Variants in DMXL2 observed in about 807,000 individuals in gnomAD.
The protein encoded by DMXL2 is dmX-like protein 2.
In DMXL2, 103 loss-of-function variants were observed where a neutral mutation model predicts 331.1. The observed-to-expected ratio is 0.31, with a 90% confidence interval of 0.27 to 0.37. The LOEUF (loss-of-function observed/expected upper bound fraction) is 0.37. Among genes scored for constraint, DMXL2 ranks in the 10% least tolerant of loss-of-function variants. The pLI, the probability that DMXL2 is intolerant of heterozygous loss-of-function variation, is 1.00. For missense variants in DMXL2, 3,171 were observed against 3,642.9 expected (o/e 0.87, Z 3.33); for synonymous variants, 1,281 against 1,252.1 (o/e 1.02, Z -0.49).
chr15:51,515,570 G>A (rs1241289132), intron 14 of DMXL2, among the ~76,000 whole-genome samples: 1 of 152,096 alleles, frequency 6.6e-6, no homozygotes, highest in Non-Finnish European at 1.5e-5. Context: ...ATAGATGAAA[G>A]TAAAGAGAAG....
intron 32 of DMXL2, 48 bp downstream of exon 32, chr15:51,464,627 A>G: frequency 6.5e-7 from 1 of 1,545,798 alleles, no homozygotes; most frequent in East Asian, 2.3e-5. Flanking sequence ...ACTGTCTTCC[A>G]GAAAAGTTAA....
At chr15:51,619,384 G>A (rs1390783684) in intron 1 of DMXL2, among the ~76,000 whole-genome samples, 5 of 152,086 alleles carry the variant, frequency 3.3e-5, no homozygotes, top group Non-Finnish European at 7.4e-5. Flanking sequence ...AATCACAATC[G>A]AATGTTTAAG....
chr15:51,469,597 T>C (rs2040909640), intron 29 of DMXL2, among the ~76,000 whole-genome samples: 1 of 152,226 alleles, frequency 6.6e-6, no homozygotes, highest in Non-Finnish European at 1.5e-5. Flanking sequence ...CCCTTCTTTA[T>C]AATATTTTGC....
intron 29 of DMXL2, among the ~76,000 whole-genome samples, chr15:51,467,731 T>TC: frequency 6.9e-6 from 1 of 144,734 alleles, no homozygotes. Context: ...TAGTACTTCT[T>TC]TTTTTTTTTT....
chr15:51,589,046 G>A (rs1238543320), intron 1 of DMXL2, among the ~76,000 whole-genome samples: 3 of 152,166 alleles, frequency 2.0e-5, no homozygotes, highest in Non-Finnish European at 4.4e-5. Flanking sequence ...ACAGATGGCA[G>A]AATTAGAGGA....
intron 27 of DMXL2, 107 bp downstream of exon 27, chr15:51,476,482 A>G: frequency 7.8e-7 from 1 of 1,283,670 alleles, no homozygotes; most frequent in Non-Finnish European, 1.1e-6. Context: ...AAAGAAAGAA[A>G]GGAACCACTC....
In DMXL2 at chr15:51,576,070, T is replaced by C; in HGVS notation, c.199A>G (p.Asn67Asp). 2 of 1,605,604 alleles carry C rather than the reference T, an allele frequency of 1.2e-6. No individual in the cohort carries two copies. The highest frequency in any genetic ancestry group is 2.2e-5 in the South Asian group (2 of 90,530). The change falls in exon 2 of 44, where the codon AAC becomes GAC. Residue 67 changes from asparagine to aspartate, a missense_variant. Transcript: ENST00000560891. ...AAATCCCTTACTCTTCCTTGTTGGT[T>C]AGAACACTCCACACAGCTGACTTGG... ...NIQVSCVECS[N>D]QQGRIAASYG...
chr15:51,574,083 T>C (rs933715848), intron 2 of DMXL2, among the ~76,000 whole-genome samples: 1 of 151,838 alleles, frequency 6.6e-6, no homozygotes, highest in Non-Finnish European at 1.5e-5. Context: ...TGGGACACCA[T>C]CTAGAGGAAG....
At chr15:51,560,452 A>C (rs571285711) in intron 6 of DMXL2, among the ~76,000 whole-genome samples, 1 of 150,840 alleles carries the variant, frequency 6.6e-6, no homozygotes, top group East Asian at 1.9e-4. Flanking sequence ...GGGCATCATA[A>C]ATAAAGGGAA....
intron 9 of DMXL2, among the ~76,000 whole-genome samples, chr15:51,540,877 C>T (rs1322624489): frequency 6.6e-6 from 1 of 152,114 alleles, no homozygotes; most frequent in African/African-American, 2.4e-5. Context: ...GCTACAAGAA[C>T]ATATCCAGTC....
chr15:51,500,843 T>C (rs1392070252), intron 17 of DMXL2, among the ~76,000 whole-genome samples: 1 of 152,188 alleles, frequency 6.6e-6, no homozygotes, highest in Non-Finnish European at 1.5e-5. Context: ...TGCACATCTG[T>C]TGTCAACTGT....
At chr15:51,620,616 G>A (rs1202893881) in intron 1 of DMXL2, among the ~76,000 whole-genome samples, 1 of 152,238 alleles carries the variant, frequency 6.6e-6, no homozygotes, top group Non-Finnish European at 1.5e-5. Flanking sequence ...TAGCAGCGGT[G>A]TGGAGGATGA....
chr15:51,466,740 T>C (rs1322992210), intron 29 of DMXL2, among the ~76,000 whole-genome samples: 1 of 152,038 alleles, frequency 6.6e-6, no homozygotes, highest in Non-Finnish European at 1.5e-5. Context: ...GTAAAAACTG[T>C]AATTCTTTAT....
chr15:51,568,271 T>C, intron 3 of DMXL2: 1 of 409,568 alleles, frequency 2.4e-6, no homozygotes, highest in Non-Finnish European at 4.4e-6. Flanking sequence ...ACACAGTAAA[T>C]GTCAATTTGC....
chr15:51,589,708 T>C (rs2052143703), intron 1 of DMXL2, among the ~76,000 whole-genome samples: 1 of 152,202 alleles, frequency 6.6e-6, no homozygotes, highest in East Asian at 1.9e-4. Flanking sequence ...TTTCAGCCTT[T>C]AATAAAGTAT....
At chr15:51,552,458 A>G (rs190460918) in intron 6 of DMXL2, among the ~76,000 whole-genome samples, 2 of 152,310 alleles carry the variant, frequency 1.3e-5, no homozygotes, top group Admixed American at 1.3e-4. Context: ...TTAAAACTTT[A>G]TGATTCCACA....
intron 1 of DMXL2, among the ~76,000 whole-genome samples, chr15:51,592,329 G>GA (rs1311717322): frequency 6.6e-6 from 1 of 152,128 alleles, no homozygotes; most frequent in African/African-American, 2.4e-5. Flanking sequence ...GATGGAAGAT[G>GA]AAATGAATGA....
At chr15:51,493,542 C>CTGCTCT (rs1190769356) in intron 19 of DMXL2, among the ~76,000 whole-genome samples, 10 of 152,182 alleles carry the variant, frequency 6.6e-5, no homozygotes, top group Non-Finnish European at 1.5e-4. Flanking sequence ...CAGTTTACCT[C>CTGCTCT]TGCTCTTGCT....
rs746612766 is a variant in DMXL2 at position 51,488,612 on chromosome 15, C to T, written c.4987G>A (p.Ala1663Thr). 59 of 1,611,646 alleles carry T rather than the reference C, an allele frequency of 3.7e-5. No homozygotes were observed. The highest frequency in any genetic ancestry group is 1.7e-4 in the Admixed American group (10 of 59,348). The change falls in exon 21 of 44, where the codon GCC (alanine) becomes ACC (threonine). Residue 1663 changes from alanine (A) to threonine (T), a missense_variant. Physicochemically the swap from Ala to Thr is moderately conservative, Grantham distance 58. Coordinates refer to ENST00000560891, the MANE Select transcript of DMXL2 (RefSeq NM_001378457.1). ...AKASFQRNNDALDAALFYLSM... is the reference protein window; with the variant it reads ...AKASFQRNNDTLDAALFYLSM... ...AGGTAGAATAGTGCAGCATCTAAGG[C>T]ATCATTGTTCCTTTGAAAAGAAGCT...
Sources: allele counts gnomAD v4.1 joint callset (sites outside exome capture counted in the v4.1 genomes callset), GRCh38; gene constraint gnomAD v4.1.1; transcripts MANE v1.5; gene names NCBI Gene and HGNC (gene_info 2026-07-23, HGNC 2026-07-21).